Variants in DEPTOR observed in about 807,000 individuals in gnomAD.
The protein encoded by DEPTOR is DEP domain-containing mTOR-interacting protein.
Under a neutral mutation model 41.6 loss-of-function variants are expected in DEPTOR, and 41 were observed. The observed-to-expected ratio is 0.98, with a 90% confidence interval of 0.77 to 1.28. The LOEUF is 1.28. Among genes scored for constraint, DEPTOR ranks in the 50% most tolerant of loss-of-function variants. The pLI, the probability that DEPTOR is intolerant of heterozygous loss-of-function variation, is 0.00. For synonymous variants in DEPTOR, 195 were observed against 192.3 expected (o/e 1.01, Z -0.12); for missense variants, 514 against 527.9 (o/e 0.97, Z 0.26).
chr8:120,043,528 A>G (rs1424178280), intron 8 of DEPTOR, among the ~76,000 whole-genome samples: 1 of 152,212 alleles, frequency 6.6e-6, no homozygotes. Context: ...TTTAACAGTT[A>G]AAGAGAAGAA....
chr8:119,879,032 C>T (rs899276476), intron 1 of DEPTOR, among the ~76,000 whole-genome samples: 2 of 151,966 alleles, frequency 1.3e-5, no homozygotes, highest in African/African-American at 2.4e-5. Context: ...ATTGCTTGAA[C>T]CTGGGAGGCA....
chr8:120,034,509 G>A (rs375355528), intron 8 of DEPTOR, among the ~76,000 whole-genome samples: 8 of 126,506 alleles, frequency 6.3e-5, no homozygotes, highest in East Asian at 4.7e-4. Context: ...GTGCAGTGGC[G>A]CAATCTCAGC....
chr8:119,998,115 G>A (rs1310579718), intron 4 of DEPTOR, among the ~76,000 whole-genome samples: 3 of 152,162 alleles, frequency 2.0e-5, no homozygotes, highest in Non-Finnish European at 4.4e-5. Flanking sequence ...AAATAGTGGA[G>A]TCTTGCTCTG....
At chr8:119,894,235 G>T (rs1444864460) in intron 1 of DEPTOR, among the ~76,000 whole-genome samples, 2 of 151,670 alleles carry the variant, frequency 1.3e-5, no homozygotes, top group East Asian at 3.9e-4. Flanking sequence ...TTAAAAATTT[G>T]TTGTTGTTGT....
At chr8:119,874,399 G>A (rs754705193) in intron 1 of DEPTOR, 15 of 191,450 alleles carry the variant, frequency 7.8e-5, no homozygotes, top group African/African-American at 1.9e-4. Flanking sequence ...CTTGATAAAA[G>A]GAGCAAGACC....
intron 1 of DEPTOR, among the ~76,000 whole-genome samples, chr8:119,913,347 G>A (rs1186936922): frequency 1.3e-5 from 2 of 152,192 alleles, no homozygotes; most frequent in African/African-American, 2.4e-5. Context: ...AAGGAAAAAA[G>A]AGGACGAACA....
chr8:120,048,707 A>G (rs1414581388), intron 8 of DEPTOR, among the ~76,000 whole-genome samples: 2 of 152,056 alleles, frequency 1.3e-5, no homozygotes, highest in Non-Finnish European at 2.9e-5. Flanking sequence ...TTTGAAAGGA[A>G]AGAGATTAAT....
chr8:119,964,515 C>CAAAAAAAAAAAAA (rs536731714), intron 3 of DEPTOR, among the ~76,000 whole-genome samples: 3 of 121,692 alleles, frequency 2.5e-5, no homozygotes, highest in Non-Finnish European at 3.4e-5. Flanking sequence ...AAGCCCGTCT[C>CAAAAAAAAAAAAA]AAAAAAAAAA....
intron 1 of DEPTOR, among the ~76,000 whole-genome samples, chr8:119,878,026 G>C (rs1374932102): frequency 6.6e-6 from 1 of 152,104 alleles, no homozygotes; most frequent in African/African-American, 2.4e-5. Context: ...CTGCCTCCGG[G>C]TTCAAGAGAT....
intron 4 of DEPTOR, among the ~76,000 whole-genome samples, chr8:119,996,634 C>A (rs1270918108): frequency 5.3e-5 from 8 of 152,140 alleles, no homozygotes; most frequent in Non-Finnish European, 8.8e-5. Flanking sequence ...GGAGGAGATA[C>A]ATAATTAGGT....
chr8:119,977,967 T>C (rs1284546795), intron 4 of DEPTOR, among the ~76,000 whole-genome samples: 1 of 152,174 alleles, frequency 6.6e-6, no homozygotes, highest in Admixed American at 6.6e-5. Flanking sequence ...TTGAGGTTTT[T>C]CTTTTGTAAA....
chr8:120,002,387 C>T (rs1284715715), intron 5 of DEPTOR, among the ~76,000 whole-genome samples: 1 of 152,110 alleles, frequency 6.6e-6, no homozygotes, highest in African/African-American at 2.4e-5. Flanking sequence ...ATTCTCCTGC[C>T]TTGGCATCCC....
chr8:119,923,287 G>A (rs1187392093), intron 1 of DEPTOR, among the ~76,000 whole-genome samples: 5 of 151,452 alleles, frequency 3.3e-5, no homozygotes, highest in Admixed American at 2.6e-4. Flanking sequence ...TGTGGTGCCC[G>A]GGCTGGAATG....
chr8:119,892,129 G>T (rs1827460019), intron 1 of DEPTOR, among the ~76,000 whole-genome samples: 1 of 152,176 alleles, frequency 6.6e-6, no homozygotes, highest in Non-Finnish European at 1.5e-5. Context: ...CTCCCGAGTA[G>T]CTGGGACTAC....
rs550603653 is a variant in DEPTOR at position 119,888,869 on chromosome 8, A to G, written c.122+14901A>G. ...AGACTCTGTCTCAGCAAAAAAAAAA[A>G]AAAAAAAAAAAAGACTTCTTTGTCT... On this transcript the variant is annotated intron_variant, in intron 1 of 8. Transcript: ENST00000286234. Among the ~76,000 whole-genome samples, 56 of 151,306 alleles carry G rather than the reference A, an allele frequency of 3.7e-4. 1 individual carries two copies. In the South Asian group the frequency reaches 0.011, roughly 30 times the overall value.
At chr8:120,047,479 T>C (rs1016187334) in intron 8 of DEPTOR, among the ~76,000 whole-genome samples, 8 of 152,100 alleles carry the variant, frequency 5.3e-5, no homozygotes, top group African/African-American at 1.9e-4. Flanking sequence ...GTGATTCTTC[T>C]GCCTCAGCTT....
intron 1 of DEPTOR, among the ~76,000 whole-genome samples, chr8:119,923,821 A>G (rs201386210): frequency 6.6e-6 from 1 of 150,606 alleles, no homozygotes; most frequent in Admixed American, 6.6e-5. Flanking sequence ...TCTTTCAGAC[A>G]GGGTTCTTCT....
intron 3 of DEPTOR, among the ~76,000 whole-genome samples, chr8:119,958,612 T>TACAAAATTACTCTCTACTAAAATA (rs1828448789): frequency 6.6e-6 from 1 of 151,872 alleles, no homozygotes; most frequent in African/African-American, 2.4e-5. Context: ...TAAAATCCCA[T>TACAAAATTACTCTCTACTAAAATA]CTCTACTAAA....
intron 4 of DEPTOR, among the ~76,000 whole-genome samples, chr8:119,990,079 A>G (rs1042144154): frequency 6.6e-6 from 1 of 151,896 alleles, no homozygotes; most frequent in Admixed American, 6.6e-5. Context: ...TGAAAATCCT[A>G]CCCCTTGTTC....
Sources: gnomAD v4.1 joint callset for allele counts (sites outside exome capture counted in the v4.1 genomes callset) on GRCh38, gnomAD v4.1.1 for gene constraint, MANE v1.5 for transcripts, NCBI Gene and HGNC (gene_info 2026-07-23, HGNC 2026-07-21) for gene names.